Variants in LPP observed in about 807,000 individuals in gnomAD.
LPP encodes the protein lipoma-preferred partner.
LPP carries 38 observed loss-of-function variants against 60.4 expected under a neutral mutation model. The observed-to-expected ratio is 0.63, with a 90% CI of 0.49 to 0.83. The LOEUF (loss-of-function observed/expected upper bound fraction) is 0.83. Ranked by LOEUF, LPP falls within the 40% of genes least tolerant of loss-of-function variation. LPP has a pLI of 0.00. For synonymous variants in LPP, 328 were observed against 290.8 expected, an observed-to-expected ratio of 1.13 and a Z score of -1.30; for missense variants, 902 against 783.6, an observed-to-expected ratio of 1.15 and a Z score of -1.80.
At chr3:188,170,192 G>C (rs570762486) in intron 1 of LPP, among the ~76,000 whole-genome samples, 1 of 152,174 alleles carries the variant, frequency 6.6e-6, no homozygotes, top group Non-Finnish European at 1.5e-5. Context: ...TTCCAACTGC[G>C]TGACTGCCCA....
intron 8 of LPP, among the ~76,000 whole-genome samples, chr3:188,747,940 T>G (rs940022946): frequency 6.6e-6 from 1 of 152,200 alleles, no homozygotes; most frequent in African/African-American, 2.4e-5. Context: ...TGTGGCCCCA[T>G]CTGCCCACTC....
intron 9 of LPP, among the ~76,000 whole-genome samples, chr3:188,772,428 C>G (rs1414842816): frequency 6.6e-6 from 1 of 152,236 alleles, no homozygotes; most frequent in African/African-American, 2.4e-5. Flanking sequence ...CCTTGACACA[C>G]TCCAGTACTG....
intron 3 of LPP, among the ~76,000 whole-genome samples, chr3:188,344,905 C>T (rs946261033): frequency 6.6e-6 from 1 of 152,156 alleles, no homozygotes; most frequent in Non-Finnish European, 1.5e-5. Context: ...AAACTTCCCC[C>T]CTATTAAGAC....
At chr3:188,811,672 C>T (rs956526084) in intron 9 of LPP, among the ~76,000 whole-genome samples, 12 of 151,794 alleles carry the variant, frequency 7.9e-5, no homozygotes, top group Non-Finnish European at 2.9e-5. Flanking sequence ...GTCTTGGGGT[C>T]GAAAACTTTC....
chr3:188,367,316 C>A (rs913800206), intron 3 of LPP, among the ~76,000 whole-genome samples: 1 of 151,970 alleles, frequency 6.6e-6, no homozygotes, highest in African/African-American at 2.4e-5. Flanking sequence ...GAACCCAGTC[C>A]TTATAGAGTG....
rs112880380 is a variant in LPP, at chr3:188,160,145, C to T, written c.-190+5893C>T. On this transcript the variant is annotated intron_variant, in intron 1 of 11. Transcript: ENST00000617246. Reference sequence around the variant, plus strand: ...CCAGGCGGTCTTGAACTCCTGACCTCGTGATCCACCTGCCTTGGTCTCCCA... The same window carrying T: ...CCAGGCGGTCTTGAACTCCTGACCTTGTGATCCACCTGCCTTGGTCTCCCA... Among the ~76,000 whole-genome samples, 1,079 of 152,004 alleles carry T rather than the reference C, an allele frequency of 7.1e-3. 11 individuals carry two copies. Among genetic ancestry groups the T allele is most frequent in the Non-Finnish European group, 9.5e-3 (645 of 67,990 alleles).
intron 4 of LPP, among the ~76,000 whole-genome samples, chr3:188,465,070 T>A (rs947352709): frequency 2.0e-5 from 3 of 151,692 alleles, no homozygotes; most frequent in South Asian, 2.1e-4. Flanking sequence ...TTTATCAAAT[T>A]AGGATAATAG....
intron 6 of LPP, among the ~76,000 whole-genome samples, chr3:188,563,474 G>GTCTGTGTGTGTT (rs66932845): frequency 6.7e-6 from 1 of 149,032 alleles, no homozygotes; most frequent in East Asian, 2.0e-4. Context: ...GTGTGTGTGT[G>GTCTGTGTGTGTT]TGTGTGTGTG....
chr3:188,771,269 C>A (rs879548121), intron 9 of LPP, among the ~76,000 whole-genome samples: 2 of 151,896 alleles, frequency 1.3e-5, no homozygotes, highest in Non-Finnish European at 2.9e-5. Context: ...AAAAAAGAGG[C>A]CGGGCACAGT....
chr3:188,509,100 G>A (rs961195759), intron 5 of LPP, among the ~76,000 whole-genome samples: 14 of 152,126 alleles, frequency 9.2e-5, no homozygotes, highest in African/African-American at 2.2e-4. Context: ...ATTTTAGGAC[G>A]TATCTTTGGC....
intron 2 of LPP, among the ~76,000 whole-genome samples, chr3:188,275,964 G>A (rs1034467798): frequency 2.0e-5 from 3 of 152,094 alleles, no homozygotes; most frequent in Non-Finnish European, 4.4e-5. Context: ...ATGAGGTACC[G>A]CGCCCAGCCT....
chr3:188,167,655 C>A (rs1720413204), intron 1 of LPP, among the ~76,000 whole-genome samples: 1 of 146,732 alleles, frequency 6.8e-6, no homozygotes, highest in African/African-American at 2.5e-5. Context: ...TGTATTTTTC[C>A]TTTTATTTCT....
chr3:188,619,853 A>T (rs2151535172), intron 7 of LPP, among the ~76,000 whole-genome samples: 1 of 152,342 alleles, frequency 6.6e-6, no homozygotes, highest in Admixed American at 6.5e-5. Context: ...TTTTCAGGGA[A>T]GGAAGAACAG....
At position 188,889,764 on chromosome 3, in the gene LPP, C is replaced by G. The variant is rs1044585938; in HGVS notation, c.*15285C>G. 3.2e-5 allele frequency: 7 copies of G among 218,458 alleles called. No homozygotes were observed. Among genetic ancestry groups the G allele is most frequent in the Non-Finnish European group, 5.5e-5 (6 of 108,844 alleles). 13.5% of individuals were successfully genotyped at this position (218,458 alleles called of 1,614,324 possible). A position where few individuals can be genotyped will look rare whatever the true frequency, so the allele number is the denominator to read the frequency against. On this transcript the variant is annotated 3_prime_UTR_variant, in exon 12 of 12. Coordinates refer to ENST00000617246, the MANE Select transcript of LPP (RefSeq NM_001375462.1). ...ATTTCAAGAGTGTGACCACCCTGCTCTAGTCATCATCATTGGATGAATCCA... is the reference window on the plus strand; with the variant it reads ...ATTTCAAGAGTGTGACCACCCTGCTGTAGTCATCATCATTGGATGAATCCA...
chr3:188,436,207 G>A (rs1424544108), intron 4 of LPP, among the ~76,000 whole-genome samples: 1 of 152,192 alleles, frequency 6.6e-6, no homozygotes, highest in African/African-American at 2.4e-5. Context: ...TGACTATAGT[G>A]TTGTGATACC....
intron 2 of LPP, among the ~76,000 whole-genome samples, chr3:188,314,605 G>A (rs1415723078): frequency 6.6e-6 from 1 of 151,976 alleles, no homozygotes; most frequent in Non-Finnish European, 1.5e-5. Context: ...TTCTGTGTGT[G>A]TGTGTGTGTG....
intron 1 of LPP, among the ~76,000 whole-genome samples, chr3:188,160,881 A>G (rs2148694917): frequency 6.6e-6 from 1 of 152,376 alleles, no homozygotes; most frequent in East Asian, 1.9e-4. Context: ...ACATGGAGAA[A>G]GGAGTGACCA....
intron 7 of LPP, among the ~76,000 whole-genome samples, chr3:188,613,292 CTATATCTA>C (rs1212655339): frequency 2.2e-4 from 32 of 143,284 alleles, no homozygotes; most frequent in Non-Finnish European, 3.7e-4. Context: ...ATATCTATAT[CTATATCTA>C]TATCTATATC....
upstream of LPP, chr3:188,153,942 G>T (rs1023588005): frequency 6.5e-6 from 1 of 152,678 alleles, no homozygotes; most frequent in African/African-American, 2.4e-5. Flanking sequence ...CTTTTTGTCT[G>T]TGGGTTCGTT....
Sources: allele counts gnomAD v4.1 joint callset (sites outside exome capture counted in the v4.1 genomes callset), GRCh38; gene constraint gnomAD v4.1.1; transcripts MANE v1.5; gene names NCBI Gene and HGNC (gene_info 2026-07-23, HGNC 2026-07-21).